Variants in FSTL5 observed in about 807,000 individuals in gnomAD.
FSTL5 encodes follistatin like 5, also known as follistatin-related protein 5.
A neutral mutation model predicts 89.1 loss-of-function variants in FSTL5; 62 were observed. The ratio of observed to expected loss-of-function variants is 0.70; its 90% CI spans 0.57 to 0.86. FSTL5 has a LOEUF of 0.86. FSTL5 is among the 40% of genes least tolerant of loss of function. The pLI, the probability that FSTL5 is intolerant of heterozygous loss-of-function variation, is 0.00. For missense variants in FSTL5, 1,057 were observed against 1,001.6 expected (o/e 1.06, Z -0.75); for synonymous variants, 383 against 346.2 (o/e 1.11, Z -1.18).
At chr4:162,078,965 A>G (rs564151796) in intron 2 of FSTL5, among the ~76,000 whole-genome samples, 1 of 151,928 alleles carries the variant, frequency 6.6e-6, no homozygotes, top group South Asian at 2.1e-4. Context: ...TGCAGAAAAC[A>G]TCAGTAACAA....
At chr4:161,508,758 A>T in intron 11 of FSTL5, among the ~76,000 whole-genome samples, 1 of 152,158 alleles carries the variant, frequency 6.6e-6, no homozygotes, top group East Asian at 1.9e-4. Context: ...ACATACTTTA[A>T]GTTGATTTAC....
chr4:161,431,156 T>C (rs1278367195), intron 15 of FSTL5, among the ~76,000 whole-genome samples: 2 of 152,124 alleles, frequency 1.3e-5, no homozygotes, highest in Non-Finnish European at 2.9e-5. Flanking sequence ...ACATAAAATT[T>C]GGTAACAGAG....
chr4:162,073,764 G>A (rs1052217512), intron 2 of FSTL5, among the ~76,000 whole-genome samples: 2 of 151,682 alleles, frequency 1.3e-5, no homozygotes, highest in Non-Finnish European at 2.9e-5. Context: ...ATATGAAATT[G>A]AATATTCTTA....
intron 6 of FSTL5, among the ~76,000 whole-genome samples, chr4:161,685,226 T>A (rs1447871804): frequency 6.6e-6 from 1 of 152,200 alleles, no homozygotes; most frequent in Non-Finnish European, 1.5e-5. Context: ...GCTTTGTTTA[T>A]GCCGGCACTT....
chr4:161,717,865 C>A (rs1475914731), intron 6 of FSTL5, among the ~76,000 whole-genome samples: 4 of 152,010 alleles, frequency 2.6e-5, no homozygotes, highest in Non-Finnish European at 5.9e-5. Flanking sequence ...AAAGATATAT[C>A]ATTTTTTCCT....
At chr4:161,727,938 G>A (rs145381369) in intron 6 of FSTL5, among the ~76,000 whole-genome samples, 49 of 152,176 alleles carry the variant, frequency 3.2e-4, no homozygotes, top group Admixed American at 4.6e-4. Context: ...AGCCAAGTTC[G>A]CACCATTGCA....
intron 6 of FSTL5, among the ~76,000 whole-genome samples, chr4:161,722,795 A>C (rs888777973): frequency 3.3e-5 from 5 of 152,166 alleles, no homozygotes; most frequent in Non-Finnish European, 7.4e-5. Context: ...TTTAAAACTA[A>C]ATATGCTAAA....
chr4:162,123,825 G>A, intron 1 of FSTL5, among the ~76,000 whole-genome samples: 1 of 150,864 alleles, frequency 6.6e-6, no homozygotes. Flanking sequence ...AGAGGCAACA[G>A]GTAAAAGATT....
intron 1 of FSTL5, among the ~76,000 whole-genome samples, chr4:162,160,240 T>G (rs1296968894): frequency 6.6e-6 from 1 of 151,762 alleles, no homozygotes; most frequent in Non-Finnish European, 1.5e-5. Context: ...TATCAAAACA[T>G]GGTCCCATCC....
intron 8 of FSTL5, among the ~76,000 whole-genome samples, chr4:161,546,610 C>T (rs2126550515): frequency 6.6e-6 from 1 of 151,912 alleles, no homozygotes; most frequent in South Asian, 2.1e-4. Flanking sequence ...CAACACGTAA[C>T]TTTAAATAAA....
At chr4:161,795,780 C>T (rs887612746) in intron 4 of FSTL5, among the ~76,000 whole-genome samples, 2 of 151,982 alleles carry the variant, frequency 1.3e-5, no homozygotes, top group African/African-American at 4.8e-5. Context: ...TCTAAGCTCT[C>T]TATTCTGTTA....
chr4:161,535,517 A>G (rs1411873318), intron 10 of FSTL5, among the ~76,000 whole-genome samples: 2 of 152,132 alleles, frequency 1.3e-5, no homozygotes, highest in Non-Finnish European at 2.9e-5. Flanking sequence ...GAGAAATGCA[A>G]ATCAAAACTG....
chr4:162,113,913 T>A, intron 1 of FSTL5, among the ~76,000 whole-genome samples: 1 of 152,152 alleles, frequency 6.6e-6, no homozygotes, highest in Non-Finnish European at 1.5e-5. Flanking sequence ...TCTTCTCCAT[T>A]AGATATCTTT....
At chr4:161,958,216 T>A (rs931157003) in intron 3 of FSTL5, among the ~76,000 whole-genome samples, 1 of 152,054 alleles carries the variant, frequency 6.6e-6, no homozygotes, top group African/African-American at 2.4e-5. Context: ...CTAATTAATA[T>A]ATTAAATTCT....
intron 3 of FSTL5, among the ~76,000 whole-genome samples, chr4:161,939,751 T>A (rs939072813): frequency 3.3e-5 from 5 of 151,878 alleles, no homozygotes; most frequent in African/African-American, 1.2e-4. Context: ...AGGATAACAG[T>A]GAATCAAAAA....
intron 15 of FSTL5, among the ~76,000 whole-genome samples, chr4:161,441,599 A>C (rs1732764313): frequency 2.0e-5 from 3 of 152,044 alleles, no homozygotes; most frequent in African/African-American, 7.2e-5. Context: ...TTAAGTCTCT[A>C]CGGCATCTTC....
intron 4 of FSTL5, among the ~76,000 whole-genome samples, chr4:161,782,163 C>T (rs1387945726): frequency 2.0e-5 from 3 of 152,180 alleles, no homozygotes; most frequent in African/African-American, 4.8e-5. Context: ...TTGGCTGCTT[C>T]TGAGTTTTGG....
intron 1 of FSTL5, among the ~76,000 whole-genome samples, chr4:162,158,943 C>T (rs1733588435): frequency 6.6e-6 from 1 of 152,058 alleles, no homozygotes; most frequent in South Asian, 2.1e-4. Context: ...CAACTCACTG[C>T]TTCTTTTTCT....
chr4:161,726,932 T>C (rs1739446737), intron 6 of FSTL5, among the ~76,000 whole-genome samples: 1 of 150,678 alleles, frequency 6.6e-6, no homozygotes, highest in Non-Finnish European at 1.5e-5. Context: ...TATATATATG[T>C]ATATGTAATT....
Sources: allele counts gnomAD v4.1 joint callset (sites outside exome capture counted in the v4.1 genomes callset), GRCh38; gene constraint gnomAD v4.1.1; transcripts MANE v1.5; gene names NCBI Gene and HGNC (gene_info 2026-07-23, HGNC 2026-07-21).